Variants in USH2A observed in about 807,000 individuals in gnomAD.
USH2A encodes usherin, also known as Usher syndrome 2A (autosomal recessive, mild).
A neutral mutation model predicts 538.9 loss-of-function variants in USH2A; 443 were observed. That is an observed-to-expected ratio of 0.82 (90% CI 0.76 to 0.89). The LOEUF is 0.89. USH2A is among the 40% of genes least tolerant of loss of function. The pLI, the probability that USH2A is intolerant of heterozygous loss-of-function variation, is 0.00. For missense variants in USH2A, 6,633 were observed against 6,324.8 expected (o/e 1.05, Z -1.65); for synonymous variants, 2,413 against 2,273.5 (o/e 1.06, Z -1.75).
chr1:215,991,929 G>A (rs1821763), intron 35 of USH2A, among the ~76,000 whole-genome samples: 110,036 of 152,006 alleles, frequency 0.72, 39,954 homozygotes, highest in East Asian at 0.91. Flanking sequence ...TGCTTAATAT[G>A]GTATCAAATA....
At chr1:215,659,631 G>A (rs1435655372) in intron 64 of USH2A, among the ~76,000 whole-genome samples, 1 of 152,032 alleles carries the variant, frequency 6.6e-6, no homozygotes, top group African/African-American at 2.4e-5. Flanking sequence ...CTTTCCTGGG[G>A]TAAGTTTTTT....
intron 21 of USH2A, among the ~76,000 whole-genome samples, chr1:216,120,592 G>A (rs909717647): frequency 6.6e-6 from 1 of 151,794 alleles, no homozygotes; most frequent in African/African-American, 2.4e-5. Context: ...TCTTGGCCAG[G>A]CTGGTCTCGA....
intron 43 of USH2A, among the ~76,000 whole-genome samples, chr1:215,877,236 C>T (rs913093896): frequency 6.6e-6 from 1 of 152,148 alleles, no homozygotes; most frequent in Non-Finnish European, 1.5e-5. Flanking sequence ...CATGTAGCAC[C>T]CTTTTCTACT....
chr1:216,046,131 G>T (rs986114374), intron 32 of USH2A, among the ~76,000 whole-genome samples: 4 of 150,950 alleles, frequency 2.6e-5, no homozygotes, highest in Non-Finnish European at 5.9e-5. Context: ...TCAAGTCCCT[G>T]TTACAATGTG....
chr1:215,647,156 C>A (rs1656880738), intron 67 of USH2A, among the ~76,000 whole-genome samples: 1 of 152,172 alleles, frequency 6.6e-6, no homozygotes, highest in Non-Finnish European at 1.5e-5. Context: ...TCTCAATGCT[C>A]TCTGGACATA....
At chr1:215,636,467 G>A (rs1263783832) in intron 69 of USH2A, among the ~76,000 whole-genome samples, 1 of 152,192 alleles carries the variant, frequency 6.6e-6, no homozygotes, top group Non-Finnish European at 1.5e-5. Flanking sequence ...CCAGCAGGTC[G>A]AAATTCCCCT....
intron 37 of USH2A, among the ~76,000 whole-genome samples, chr1:215,956,784 T>G (rs11589059): frequency 1.3e-5 from 2 of 152,094 alleles, no homozygotes; most frequent in African/African-American, 4.8e-5. Flanking sequence ...GTGTGAGTGT[T>G]GAGAACAGAT....
chr1:215,928,187 AT>A (rs201059667), intron 38 of USH2A, among the ~76,000 whole-genome samples: 26 of 151,754 alleles, frequency 1.7e-4, no homozygotes, highest in Non-Finnish European at 3.1e-4. Context: ...AATAGCTAAG[AT>A]TTTTTTTTAA....
intron 60 of USH2A, among the ~76,000 whole-genome samples, chr1:215,728,865 G>A (rs1239156647): frequency 6.6e-6 from 1 of 152,134 alleles, no homozygotes; most frequent in Non-Finnish European, 1.5e-5. Context: ...ATGTGTCTGT[G>A]TGTGTGTGCA....
chr1:216,146,006 C>T (rs1457624671), intron 21 of USH2A, among the ~76,000 whole-genome samples: 2 of 152,140 alleles, frequency 1.3e-5, no homozygotes, highest in Non-Finnish European at 2.9e-5. Flanking sequence ...AGCTTTATTG[C>T]TCACACAAAG....
At chr1:216,399,509 G>A (rs1267936567) in intron 3 of USH2A, among the ~76,000 whole-genome samples, 1 of 152,100 alleles carries the variant, frequency 6.6e-6, no homozygotes, top group African/African-American at 2.4e-5. Flanking sequence ...AACTGGGAGA[G>A]TTCTGGAGAG....
chr1:215,948,425 G>GAT (rs143122492), intron 37 of USH2A, among the ~76,000 whole-genome samples: 55,203 of 144,090 alleles, frequency 0.38, 10,512 homozygotes, highest in East Asian at 0.54. Context: ...TATTTGTTCA[G>GAT]ATATATATAT....
chr1:216,034,728 G>T (rs1424832738), intron 32 of USH2A, among the ~76,000 whole-genome samples: 2 of 152,122 alleles, frequency 1.3e-5, no homozygotes, highest in Non-Finnish European at 2.9e-5. Flanking sequence ...GAATACCACT[G>T]ACTGCCAGAA....
intron 36 of USH2A, among the ~76,000 whole-genome samples, chr1:215,968,905 A>G (rs1667425588): frequency 6.6e-6 from 1 of 152,192 alleles, no homozygotes; most frequent in Admixed American, 6.5e-5. Flanking sequence ...TTAATGATAG[A>G]AAACTCTGCC....
intron 3 of USH2A, among the ~76,000 whole-genome samples, chr1:216,394,322 C>G (rs992416615): frequency 7.7e-6 from 1 of 129,198 alleles, no homozygotes; most frequent in Non-Finnish European, 1.5e-5. Flanking sequence ...ATCCTTTTCC[C>G]AGATATTTAT....
In USH2A at chr1:215,635,840, C is replaced by T. The variant is rs139112911; in HGVS notation, c.15053-1137G>A. Among the ~76,000 whole-genome samples the T allele has an allele frequency of 7.8e-3, 1,190 of 152,234 alleles. 8 individuals are homozygous for T. Among genetic ancestry groups the T allele is most frequent in the Non-Finnish European group, 0.011 (730 of 68,026 alleles). The stretch of plus-strand genomic sequence containing the variant: ...ACATGCTGGGATTACAGGCATGAGC[C>T]GCCGCACCCAGCCAGGCAGGTTTAT... On this transcript the variant is annotated intron_variant, in intron 69 of 71. Transcript: ENST00000307340.
chr1:215,819,601 A>G (rs1381321154), intron 47 of USH2A, among the ~76,000 whole-genome samples: 1 of 151,782 alleles, frequency 6.6e-6, no homozygotes, highest in African/African-American at 2.4e-5. Context: ...TACCTTTTGT[A>G]TTCTCTGCAT....
intron 14 of USH2A, among the ~76,000 whole-genome samples, chr1:216,223,821 G>C (rs1380700148): frequency 1.3e-5 from 2 of 152,180 alleles, no homozygotes; most frequent in African/African-American, 4.8e-5. Context: ...TGAAGTCATT[G>C]ACCTGGTTCT....
chr1:216,003,238 G>T (rs1668308836), intron 32 of USH2A, among the ~76,000 whole-genome samples: 1 of 152,164 alleles, frequency 6.6e-6, no homozygotes, highest in Admixed American at 6.5e-5. Context: ...GTTTAGTTGA[G>T]CTTGTCAAAT....
Sources: allele counts gnomAD v4.1 joint callset (sites outside exome capture counted in the v4.1 genomes callset), GRCh38; gene constraint gnomAD v4.1.1; transcripts MANE v1.5; gene names NCBI Gene and HGNC (gene_info 2026-07-23, HGNC 2026-07-21).